ZNF493: variants seen among roughly 807,000 people sequenced by gnomAD.
The protein encoded by ZNF493 is zinc finger protein 493.
In ZNF493, 11 loss-of-function variants were observed where a neutral mutation model predicts 12.2. The ratio of observed to expected loss-of-function variants is 0.90; its 90% CI spans 0.57 to 1.50. The LOEUF (loss-of-function observed/expected upper bound fraction) is 1.50. ZNF493 is among the 40% of genes most tolerant of loss of function. The pLI is 0.00. For missense variants in ZNF493, 950 were observed against 906.6 expected, an observed-to-expected ratio of 1.05 and a Z score of -0.61; for synonymous variants, 286 against 302.6, an observed-to-expected ratio of 0.95 and a Z score of 0.57.
chr19:21,397,655 C>T (rs1974194882), intron 1 of ZNF493: 1 of 453,382 alleles, frequency 2.2e-6, no homozygotes, highest in Non-Finnish European at 3.9e-6. Context: ...CTATTTTCTC[C>T]TATTAAAAAT....
At chr19:21,420,483 A>G (rs1170326361) in intron 3 of ZNF493, among the ~76,000 whole-genome samples, 2 of 147,640 alleles carry the variant, frequency 1.4e-5, no homozygotes, top group African/African-American at 4.9e-5. Context: ...AGCGCCTTTT[A>G]TATATAAGGC....
intron 2 of ZNF493, 25 bp from the exon 3 acceptor site, chr19:21,405,736 A>G (rs763339669): frequency 3.5e-5 from 55 of 1,587,176 alleles, no homozygotes; most frequent in Non-Finnish European, 4.3e-5. Flanking sequence ...AGCAAGATTC[A>G]TGTTATTTAT....
intron 3 of ZNF493, among the ~76,000 whole-genome samples, chr19:21,406,149 G>A (rs971317854): frequency 2.6e-5 from 4 of 152,014 alleles, no homozygotes. Context: ...TTGAAACCGG[G>A]AGGCAGAGGT....
chr19:21,405,927 A>AAAG, intron 3 of ZNF493, 71 bp downstream of exon 3: 1 of 1,220,058 alleles, frequency 8.2e-7, no homozygotes, highest in South Asian at 1.6e-5. Flanking sequence ...AAAAAAAAAA[A>AAAG]AAGCCAGTCC....
chr19:21,423,927 A>C lies in ZNF493; in HGVS notation c.1268A>C (p.His423Pro), dbSNP rs1358188886. 1 of 1,613,444 alleles carries C rather than the reference A, an allele frequency of 6.2e-7. No individual in the cohort carries two copies. The change falls in exon 4 of 4, where the codon CAT becomes CCT. Residue 423 changes from histidine (H) to proline (P), a missense_variant. Coordinates refer to ENST00000392288, the MANE Select transcript of ZNF493 (RefSeq NM_001076678.3). ...AYKESSHLTT[H>P]KRIHTGEKPY... ...AAGGAGTCTTCACACCTTACTACACATAAAAGAATTCATACTGGAGAGAAA... is the reference window on the plus strand; with the variant it reads ...AAGGAGTCTTCACACCTTACTACACCTAAAAGAATTCATACTGGAGAGAAA...
At chr19:21,405,088 ATGTGTG>A (rs35143973) in intron 1 of ZNF493, 35 bp from the exon 2 acceptor site, 35 of 1,423,568 alleles carry the variant, frequency 2.5e-5, no homozygotes, top group Admixed American at 1.3e-4. Context: ...CCACGTGTAA[ATGTGTG>A]TGTGTGTGTG....
intron 1 of ZNF493, among the ~76,000 whole-genome samples, chr19:21,402,614 T>C (rs1239026696): frequency 6.6e-6 from 1 of 152,164 alleles, no homozygotes; most frequent in Non-Finnish European, 1.5e-5. Flanking sequence ...GGCCAGACTT[T>C]CAATTGTGAA....
At chr19:21,411,286 T>A (rs2030317376) in intron 3 of ZNF493, among the ~76,000 whole-genome samples, 1 of 152,150 alleles carries the variant, frequency 6.6e-6, no homozygotes, top group Non-Finnish European at 1.5e-5. Flanking sequence ...TCTGTTCTGT[T>A]CTTTCATCTT....
chr19:21,398,134 C>T (rs1974202651), intron 1 of ZNF493: 1 of 152,876 alleles, frequency 6.5e-6, no homozygotes, highest in Non-Finnish European at 1.5e-5. Context: ...TCTCCGGCCT[C>T]ACTCTGGCTT....
chr19:21,405,099 TG>T, intron 1 of ZNF493, 29 bp from the exon 2 acceptor site: 1 of 1,608,264 alleles, frequency 6.2e-7, no homozygotes, highest in South Asian at 1.1e-5. Context: ...TGTGTGTGTG[TG>T]TGTGTGTGTT....
At position 21,403,960 on chromosome 19, in the gene ZNF493, C is replaced by T. The variant is rs991472390; in HGVS notation, c.31-1169C>T. On this transcript the variant is annotated intron_variant, in intron 1 of 3. Coordinates refer to ENST00000392288, the MANE Select transcript of ZNF493 (RefSeq NM_001076678.3). ...AAATGTTCCCTTTGTTGCCATTGAA[C>T]GTGGGAAAATGTAGATATTCAAGAT... Among the ~76,000 whole-genome samples the T allele has an allele frequency of 8.0e-4, 122 of 152,058 alleles. 1 individual carries two copies. Among genetic ancestry groups the T allele is most frequent in the Admixed American group, 3.3e-4 (5 of 15,258 alleles).
Position 21,424,667 on chromosome 19 carries a change from T to A in ZNF493, c.2008T>A (p.Ser670Thr). The change falls in exon 4 of 4, where the codon TCA becomes ACA. Residue 670 changes from serine to threonine, a missense_variant. Coordinates refer to ENST00000392288, the MANE Select transcript of ZNF493 (RefSeq NM_001076678.3). ...ATGTGGCAAAGCCTTTAGTATATTC[T>A]CAACCCTTACTAAACATAAGATAAT... ...EECGKAFSIF[S>T]TLTKHKIIHT... is the part of the protein sequence containing the mutation. The A allele has an allele frequency of 6.2e-7, 1 of 1,613,746 alleles. No individual in the cohort carries two copies. The highest frequency in any genetic ancestry group is 8.5e-7 in the Non-Finnish European group (1 of 1,179,804).
At position 21,412,986 on chromosome 19, in the gene ZNF493, A is replaced by G. The variant is rs1014171121; in HGVS notation, c.253+7130A>G. Reference sequence around the variant, plus strand: ...TAATAGAACTCTTGCCATACTTCTTATCATTTCTATCATCTGACCATTTTG... The same window carrying G: ...TAATAGAACTCTTGCCATACTTCTTGTCATTTCTATCATCTGACCATTTTG... On this transcript the variant is annotated intron_variant, in intron 3 of 3. Coordinates refer to ENST00000392288, the MANE Select transcript of ZNF493 (RefSeq NM_001076678.3). 1.3e-5 allele frequency: 5 copies of G among 388,916 alleles called. No homozygotes were observed. In the Admixed American group the frequency reaches 1.7e-4, roughly 14 times the overall value. The allele number at this position is 388,916 out of a possible 1,614,324, so 24.1% of individuals were successfully genotyped here.
At chr19:21,413,085 G>A (rs2030376002) in intron 3 of ZNF493, 2 of 292,176 alleles carry the variant, frequency 6.8e-6, no homozygotes, top group Non-Finnish European at 1.3e-5. Context: ...CATCCCCTTA[G>A]GAGACCAGCT....
At chr19:21,397,394 GC>G in intron 1 of ZNF493, 127 bp downstream of exon 1, 4 of 1,202,280 alleles carry the variant, frequency 3.3e-6, no homozygotes, top group Non-Finnish European at 3.7e-6. Flanking sequence ...AGTTCTCCTT[GC>G]CCAGCTCGGC....
intron 3 of ZNF493, among the ~76,000 whole-genome samples, chr19:21,409,598 A>G (rs775028117): frequency 6.6e-6 from 1 of 152,078 alleles, no homozygotes; most frequent in Non-Finnish European, 1.5e-5. Context: ...TTTTAAAAAT[A>G]GCCAGGCGTG....
intron 3 of ZNF493, among the ~76,000 whole-genome samples, chr19:21,410,502 CTT>C (rs2030290024): frequency 6.6e-6 from 1 of 151,894 alleles, no homozygotes; most frequent in East Asian, 1.9e-4. Flanking sequence ...ATATGTGTAT[CTT>C]TTCTGATGAA....
At chr19:21,407,894 T>C (rs1405598800) in intron 3 of ZNF493, 36 of 985,338 alleles carry the variant, frequency 3.7e-5, no homozygotes, top group Non-Finnish European at 4.3e-5. Context: ...GAGTTTACTA[T>C]TGGTGTCTGT....
rs141902278 is a variant in ZNF493 at position 21,424,024 on chromosome 19, T to C, written c.1365T>C (p.His455=). 1.6e-4 allele frequency: 253 copies of C among 1,613,268 alleles called. 1 individual carries two copies. The African/African-American group carries it at 3.1e-3, about 20-fold the overall frequency. The change falls in exon 4 of 4, where the codon CAT becomes CAC. Residue 455 remains histidine (H), a synonymous_variant. Transcript: ENST00000392288. The part of the protein sequence containing the change: ...FSILTKHKII[H]TEEKPYKCEE... ...TTCTTACTAAACATAAAATAATTCATACAGAAGAGAAACCCTACAAATGTG... is the reference window on the plus strand; with the variant it reads ...TTCTTACTAAACATAAAATAATTCACACAGAAGAGAAACCCTACAAATGTG...
Sources: allele counts gnomAD v4.1 joint callset (sites outside exome capture counted in the v4.1 genomes callset), GRCh38; gene constraint gnomAD v4.1.1; transcripts MANE v1.5; gene names NCBI Gene and HGNC (gene_info 2026-07-23, HGNC 2026-07-21).